Variants in MARCHF1 observed in about 807,000 individuals in gnomAD.
The protein encoded by MARCHF1 is membrane associated ring-CH-type finger 1, also known as E3 ubiquitin-protein ligase MARCHF1.
Under a neutral mutation model 54.2 loss-of-function variants are expected in MARCHF1, and 40 were observed. The observed-to-expected ratio is 0.74, with a 90% CI of 0.57 to 0.96. The LOEUF (loss-of-function observed/expected upper bound fraction) is 0.96, where lower values mean the gene tolerates loss of function less well. Among genes scored for constraint, MARCHF1 ranks in the 40% least tolerant of loss-of-function variants. MARCHF1 has a pLI of 0.00. For synonymous variants in MARCHF1, 236 were observed against 236.3 expected, an observed-to-expected ratio of 1.00 and a Z score of 0.01; for missense variants, 586 against 656.5, an observed-to-expected ratio of 0.89 and a Z score of 1.17.
Position 163,528,555 on chromosome 4 carries a change from A to G in MARCHF1, c.*193T>C, listed in dbSNP as rs1268213265. The G allele has an allele frequency of 1.7e-5, 10 of 574,852 alleles. No individual in the cohort carries two copies. The highest frequency in any genetic ancestry group is 2.4e-5 in the Non-Finnish European group (8 of 327,526). 35.6% of individuals were successfully genotyped at this position (574,852 alleles called of 1,614,324 possible). ...TCCATATCATACTTTACTTTACGCT[A>G]TTACTTCATGGGCTCCTGGGCATTT... On this transcript the variant is annotated 3_prime_UTR_variant, in exon 10 of 10. Coordinates refer to ENST00000514618, the MANE Select transcript of MARCHF1 (RefSeq NM_001394959.1).
chr4:164,052,988 T>G (rs77960045), intron 2 of MARCHF1, among the ~76,000 whole-genome samples: 3 of 152,318 alleles, frequency 2.0e-5, no homozygotes, highest in African/African-American at 7.2e-5. Flanking sequence ...ATATAATTTC[T>G]TCATCTTTTC....
chr4:163,831,091 C>G lies in MARCHF1; in HGVS notation c.111+22930G>C, dbSNP rs76906158. Among the ~76,000 whole-genome samples, 497 of 152,234 alleles carry G rather than the reference C, an allele frequency of 3.3e-3. 3 individuals are homozygous for G. Among genetic ancestry groups the G allele is most frequent in the African/African-American group, 0.011 (475 of 41,540 alleles). ...CTGCGAGTCTTTACAAAAAGCTCAG[C>G]CAAAAATTTCTTCTGTCTTTCCTAT... On this transcript the variant is annotated intron_variant, in intron 4 of 9. Coordinates refer to ENST00000514618, the MANE Select transcript of MARCHF1 (RefSeq NM_001394959.1).
intron 5 of MARCHF1, among the ~76,000 whole-genome samples, chr4:163,666,837 G>T (rs752425862): frequency 2.0e-5 from 3 of 151,772 alleles, no homozygotes; most frequent in Non-Finnish European, 4.4e-5. Flanking sequence ...GCTTAACAAA[G>T]GTAAATAGAA....
intron 5 of MARCHF1, among the ~76,000 whole-genome samples, chr4:163,648,850 C>T (rs1305867477): frequency 1.3e-5 from 2 of 151,564 alleles, no homozygotes; most frequent in Non-Finnish European, 2.9e-5. Context: ...ACAATGACAA[C>T]AATTTTTAAA....
At chr4:163,919,583 A>C (rs1305975333) in intron 3 of MARCHF1, among the ~76,000 whole-genome samples, 1 of 151,918 alleles carries the variant, frequency 6.6e-6, no homozygotes, top group Non-Finnish European at 1.5e-5. Context: ...AAGAGTAAAA[A>C]TTTTAAGAAT....
intron 4 of MARCHF1, among the ~76,000 whole-genome samples, chr4:163,781,357 G>A (rs1747461644): frequency 6.6e-6 from 1 of 152,044 alleles, no homozygotes; most frequent in South Asian, 2.1e-4. Flanking sequence ...CTCAAAAAAA[G>A]AACAGAGAGA....
At chr4:163,648,837 C>T (rs537827314) in intron 5 of MARCHF1, among the ~76,000 whole-genome samples, 5 of 151,536 alleles carry the variant, frequency 3.3e-5, no homozygotes, top group Non-Finnish European at 5.9e-5. Flanking sequence ...AACATGCAAA[C>T]GCACAATGAC....
chr4:163,983,124 C>G (rs1053167959), intron 3 of MARCHF1, among the ~76,000 whole-genome samples: 2 of 152,178 alleles, frequency 1.3e-5, no homozygotes, highest in African/African-American at 4.8e-5. Flanking sequence ...TCAGGCCTAT[C>G]CTGCCTGAGA....
At chr4:163,965,116 G>C (rs796932823) in intron 3 of MARCHF1, among the ~76,000 whole-genome samples, 12 of 152,104 alleles carry the variant, frequency 7.9e-5, no homozygotes, top group African/African-American at 2.9e-4. Context: ...CTTAGGAGAT[G>C]TTTATTAAGC....
chr4:163,640,619 A>T (rs996559821), intron 5 of MARCHF1, among the ~76,000 whole-genome samples: 1 of 152,130 alleles, frequency 6.6e-6, no homozygotes, highest in Non-Finnish European at 1.5e-5. Context: ...TATTTCTACC[A>T]TGTTCATACC....
At chr4:163,962,669 T>C (rs1255376708) in intron 3 of MARCHF1, among the ~76,000 whole-genome samples, 1 of 151,960 alleles carries the variant, frequency 6.6e-6, no homozygotes, top group Non-Finnish European at 1.5e-5. Context: ...TCTATTCTCC[T>C]TAATTTTAAA....
chr4:163,713,519 T>C (rs947413401), intron 4 of MARCHF1, among the ~76,000 whole-genome samples: 2 of 152,170 alleles, frequency 1.3e-5, no homozygotes, highest in African/African-American at 4.8e-5. Flanking sequence ...GTGTTTAGCA[T>C]GGAACATAAT....
chr4:164,006,754 T>C (rs1700883822), intron 2 of MARCHF1, among the ~76,000 whole-genome samples: 1 of 151,748 alleles, frequency 6.6e-6, no homozygotes, highest in South Asian at 2.1e-4. Flanking sequence ...TAAAATTAAA[T>C]GAGCTCCAAT....
chr4:163,864,077 T>C (rs1749999424), intron 3 of MARCHF1, among the ~76,000 whole-genome samples: 1 of 152,058 alleles, frequency 6.6e-6, no homozygotes, highest in Non-Finnish European at 1.5e-5. Context: ...TGTGCAGAAC[T>C]GTCATTTCTC....
intron 1 of MARCHF1, among the ~76,000 whole-genome samples, chr4:164,121,616 G>A (rs978533590): frequency 3.3e-5 from 5 of 152,022 alleles, no homozygotes; most frequent in African/African-American, 9.7e-5. Flanking sequence ...AGGATTATGG[G>A]AAGCACAATT....
chr4:163,738,749 TG>T (rs1487513319), intron 4 of MARCHF1, among the ~76,000 whole-genome samples: 1 of 152,186 alleles, frequency 6.6e-6, no homozygotes, highest in Non-Finnish European at 1.5e-5. Flanking sequence ...AATACTTCAC[TG>T]TCATAAAGAC....
chr4:164,233,653 A>AATCCTCCAAGTGTAGGTCCT (rs1274804021), intron 1 of MARCHF1, among the ~76,000 whole-genome samples: 3 of 152,124 alleles, frequency 2.0e-5, no homozygotes, highest in African/African-American at 7.2e-5. Context: ...ACTAGGTTCT[A>AATCCTCCAAGTGTAGGTCCT]ATCCTCCAAG....
In MARCHF1 at chr4:163,841,798, T is replaced by G. The variant is rs776826520; in HGVS notation, c.111+12223A>C. Among the ~76,000 whole-genome samples, 59 of 152,128 alleles carry G rather than the reference T, an allele frequency of 3.9e-4. 1 individual carries two copies. The highest frequency in any genetic ancestry group is 1.4e-3 in the Admixed American group (22 of 15,250). On this transcript the variant is annotated intron_variant, in intron 4 of 9. Coordinates refer to ENST00000514618, the MANE Select transcript of MARCHF1 (RefSeq NM_001394959.1). ...ATTCGGTAACTGCAGTGTGAAAAGC[T>G]ATTTCATTTTTTATCTTTAAAGAAT...
intron 2 of MARCHF1, among the ~76,000 whole-genome samples, chr4:164,041,843 C>T (rs1454959431): frequency 6.6e-6 from 1 of 152,120 alleles, no homozygotes; most frequent in Non-Finnish European, 1.5e-5. Flanking sequence ...TATAATATTT[C>T]ATTTGCTTTT....
Sources: allele counts gnomAD v4.1 joint callset (sites outside exome capture counted in the v4.1 genomes callset), GRCh38; gene constraint gnomAD v4.1.1; transcripts MANE v1.5; gene names NCBI Gene and HGNC (gene_info 2026-07-23, HGNC 2026-07-21).